The following SCUBE1 variants were observed in gnomAD, a reference collection of about 807,000 sequenced individuals.
The protein encoded by SCUBE1 is signal peptide, CUB domain and EGF like domain containing 1.
Under a neutral mutation model 124.4 loss-of-function variants are expected in SCUBE1, and 59 were observed. That is an observed-to-expected ratio of 0.47 (90% CI 0.38 to 0.59). The LOEUF (loss-of-function observed/expected upper bound fraction) is 0.59. Ranked by LOEUF, SCUBE1 falls within the 20% of genes least tolerant of loss-of-function variation. The pLI is 0.00. For missense variants in SCUBE1, 1,150 were observed against 1,371.2 expected (o/e 0.84, Z 2.55); for synonymous variants, 545 against 550.9 (o/e 0.99, Z 0.15).
chr22:43,258,070 G>T lies in SCUBE1; in HGVS notation c.727+149C>A. On this transcript the variant is annotated intron_variant, in intron 6 of 21. Transcript: ENST00000360835. The surrounding 1 kb of genome is among the most constrained non-coding windows in gnomAD (Gnocchi z 5.0). Reference sequence around the variant, plus strand: ...CTCCCCAGGGGCGCCGGCCATCCCCGCCATTGCCATGGGCTTGCCTTTCCT... The same window carrying T: ...CTCCCCAGGGGCGCCGGCCATCCCCTCCATTGCCATGGGCTTGCCTTTCCT... 1.5e-6 allele frequency: 1 copy of T among 660,404 alleles called. No homozygotes were observed. Among genetic ancestry groups the T allele is most frequent in the Non-Finnish European group, 2.7e-6 (1 of 371,214 alleles). The allele number at this position is 660,404 out of a possible 1,614,324, so 40.9% of individuals were successfully genotyped here.
chr22:43,291,250 G>A (rs111862457), intron 3 of SCUBE1, 70 bp from the exon 4 acceptor site: 19 of 1,529,658 alleles, frequency 1.2e-5, no homozygotes, highest in East Asian at 9.1e-5. Context: ...AGGGGCTGGC[G>A]GGACAGGGAT....
At chr22:43,327,519 G>A (rs1027689501) in intron 2 of SCUBE1, among the ~76,000 whole-genome samples, 45 of 152,196 alleles carry the variant, frequency 3.0e-4, no homozygotes, top group African/African-American at 1.0e-3. Flanking sequence ...CGGCAGGGTA[G>A]CTCACGCCTG....
chr22:43,207,238 T>G (rs1921327960), intron 21 of SCUBE1, among the ~76,000 whole-genome samples: 1 of 152,178 alleles, frequency 6.6e-6, no homozygotes, highest in Admixed American at 6.5e-5. Context: ...ATTCTACAGA[T>G]GAGGAGAGTG....
intron 15 of SCUBE1, among the ~76,000 whole-genome samples, chr22:43,216,632 C>T (rs1225360128): frequency 6.6e-6 from 1 of 151,900 alleles, no homozygotes; most frequent in Non-Finnish European, 1.5e-5. Context: ...AGCCTGGCTA[C>T]AGAGCGAGAC....
rs374286648 is a variant in SCUBE1 at position 43,258,185 on chromosome 22, G to T, written c.727+34C>A. 1.4e-6 allele frequency: 2 copies of T among 1,438,282 alleles called. No homozygotes were observed. Among genetic ancestry groups the T allele is most frequent in the Non-Finnish European group, 2.0e-6 (2 of 1,023,578 alleles). The allele number at this position is 1,438,282 out of a possible 1,614,324, so 89.1% of individuals were successfully genotyped here. ...GCATGGGGGGTCGGGGGCGGGGGGC[G>T]CAAGGGTGGTGTGTGGCAGAGGTGC... On this transcript the variant is annotated intron_variant, in intron 6 of 21. Transcript: ENST00000360835. The surrounding 1 kb of genome is among the most constrained non-coding windows in gnomAD (Gnocchi z 5.0).
intron 3 of SCUBE1, among the ~76,000 whole-genome samples, chr22:43,301,703 C>T (rs1925778775): frequency 6.6e-6 from 1 of 152,208 alleles, no homozygotes; most frequent in Admixed American, 6.5e-5. Context: ...TTTCTGTCTA[C>T]CCCCAGGCAA....
In SCUBE1 at chr22:43,258,323, T is replaced by C; in HGVS notation, c.623A>G (p.Tyr208Cys). The C allele has an allele frequency of 6.2e-7, 1 of 1,613,358 alleles. No individual in the cohort carries two copies. The highest frequency in any genetic ancestry group is 8.5e-7 in the Non-Finnish European group (1 of 1,179,288). Residue 208 changes from tyrosine (Y) to cysteine (C), a missense_variant, in exon 6 of 22, where the codon TAT becomes TGT. Tyr to Cys is a radical substitution (Grantham distance 194). Transcript: ENST00000360835. The surrounding 1 kb of genome is among the most constrained non-coding windows in gnomAD (Gnocchi z 5.0). ...GCTGTGCTGGCAGCCTCCGTTTCCA[T>C]AATTACAGGTTACTAGTTAGGCCCA... ...NQKDCTLTCN[Y>C]GNGGCQHSCE...
intron 2 of SCUBE1, among the ~76,000 whole-genome samples, chr22:43,333,649 T>C (rs926408453): frequency 6.6e-6 from 1 of 152,196 alleles, no homozygotes; most frequent in Non-Finnish European, 1.5e-5. Flanking sequence ...ACTGATTAGT[T>C]GGTAAAGACA....
At position 43,342,630 on chromosome 22, in the gene SCUBE1, C is replaced by T. The variant is rs143978588; in HGVS notation, c.88+544G>A. Among the ~76,000 whole-genome samples the T allele has an allele frequency of 7.0e-3, 1,065 of 152,136 alleles. 21 individuals carry two copies. The highest frequency in any genetic ancestry group is 0.025 in the African/African-American group (1,019 of 41,496). On this transcript the variant is annotated intron_variant, in intron 1 of 21. Transcript: ENST00000360835. Reference sequence around the variant, plus strand: ...ATCCACCGGCCTCCTCCTCCTTCCCCGGGCGGTGCGGGCCTCCTCTCTACC... The same window carrying T: ...ATCCACCGGCCTCCTCCTCCTTCCCTGGGCGGTGCGGGCCTCCTCTCTACC...
intron 6 of SCUBE1, among the ~76,000 whole-genome samples, chr22:43,253,306 G>A (rs911835505): frequency 2.0e-5 from 3 of 152,294 alleles, no homozygotes; most frequent in Non-Finnish European, 2.9e-5. Context: ...CGTGAGAGAG[G>A]GGCTCACTTG....
At position 43,218,249 on chromosome 22, in the gene SCUBE1, ACT is replaced by A. The variant is rs1921925319; in HGVS notation, c.1891+4_1891+5del. 1 of 1,612,302 alleles carries A rather than the reference ACT, an allele frequency of 6.2e-7. No homozygotes were observed. Among genetic ancestry groups the A allele is most frequent in the Non-Finnish European group, 8.5e-7 (1 of 1,179,754 alleles). On this transcript the variant is annotated splice_donor_5th_base_variant and intron_variant, in intron 15 of 21. Coordinates refer to ENST00000360835, the MANE Select transcript of SCUBE1 (RefSeq NM_173050.5). Reference sequence around the variant, plus strand: ...AGCATCTGAGTGGCCATGGGCAAGGACTCACCGCATTTGCTGTCCTGTAGCAC... The same window carrying A: ...AGCATCTGAGTGGCCATGGGCAAGGACACCGCATTTGCTGTCCTGTAGCAC...
At chr22:43,311,836 C>T (rs987810439) in intron 3 of SCUBE1, among the ~76,000 whole-genome samples, 1 of 152,136 alleles carries the variant, frequency 6.6e-6, no homozygotes, top group Non-Finnish European at 1.5e-5. Flanking sequence ...TACCTCTGCC[C>T]TATGCCTACC....
intron 10 of SCUBE1, 48 bp downstream of exon 10, chr22:43,227,326 C>T: frequency 6.3e-7 from 1 of 1,580,724 alleles, no homozygotes; most frequent in Non-Finnish European, 8.6e-7. Flanking sequence ...CCCTCCCATC[C>T]AAGCCCAGGT....
chr22:43,223,250 G>A (rs1922174999), intron 10 of SCUBE1, 34 bp from the exon 11 acceptor site: 2 of 1,545,992 alleles, frequency 1.3e-6, no homozygotes, highest in Non-Finnish European at 8.6e-7. Flanking sequence ...GGCTGAGAGA[G>A]GCCAGGGCGG....
chr22:43,322,821 C>A (rs1304881886), intron 2 of SCUBE1, among the ~76,000 whole-genome samples: 2 of 152,202 alleles, frequency 1.3e-5, no homozygotes, highest in Non-Finnish European at 2.9e-5. Context: ...GACTTTTATT[C>A]TATGCTTGGG....
intron 15 of SCUBE1, among the ~76,000 whole-genome samples, chr22:43,216,617 AC>A (rs986914216): frequency 1.3e-5 from 2 of 152,112 alleles, no homozygotes; most frequent in Middle Eastern, 3.4e-3. Flanking sequence ...ACACCATTGC[AC>A]TGCAGCCTGG....
At chr22:43,241,220 C>T (rs1257175410) in intron 6 of SCUBE1, among the ~76,000 whole-genome samples, 1 of 152,142 alleles carries the variant, frequency 6.6e-6, no homozygotes, top group African/African-American at 2.4e-5. Flanking sequence ...GGTATGTAAA[C>T]ATCAGGCTTT....
rs925887029 is a variant in SCUBE1 at position 43,201,528 on chromosome 22, G to C, written c.*2469C>G. On this transcript the variant is annotated 3_prime_UTR_variant, in exon 22 of 22. Transcript: ENST00000360835. ...ACATCCACTCCATCCAATCTGTTGA[G>C]GGCCCCAATAGAAAAGAAGGAGGAG... The C allele has an allele frequency of 6.6e-6, 1 of 151,982 alleles. No individual in the cohort carries two copies. The highest frequency in any genetic ancestry group is 1.5e-5 in the Non-Finnish European group (1 of 68,002). The allele number at this position is 151,982 out of a possible 1,614,324, so 9.4% of individuals were successfully genotyped here. A position where few individuals can be genotyped will look rare whatever the true frequency, so the allele number is the denominator to read the frequency against.
chr22:43,284,303 G>A (rs1398342078), intron 4 of SCUBE1, among the ~76,000 whole-genome samples: 1 of 152,246 alleles, frequency 6.6e-6, no homozygotes, highest in East Asian at 1.9e-4. Flanking sequence ...GACTCAGGCT[G>A]TTCCCGTGAA....
Sources: gnomAD v4.1 joint callset for allele counts (sites outside exome capture counted in the v4.1 genomes callset) on GRCh38, gnomAD v4.1.1 for gene constraint, Gnocchi (gnomAD v3.1) non-coding constraint, MANE v1.5 for transcripts, NCBI Gene and HGNC (gene_info 2026-07-23, HGNC 2026-07-21) for gene names.